The following PSG11 variants were observed in gnomAD, a reference collection of about 807,000 sequenced individuals.
PSG11 encodes the protein pregnancy-specific beta-1-glycoprotein 11.
Under a neutral mutation model 36.0 loss-of-function variants are expected in PSG11, and 42 were observed. That is an observed-to-expected ratio of 1.17 (90% CI 0.91 to 1.51). The LOEUF is 1.51. Ranked by LOEUF, PSG11 falls within the 40% of genes most tolerant of loss-of-function variation. The probability of loss-of-function intolerance (pLI) is 0.00; values close to 1 mark genes in which losing one functional copy is unlikely to be tolerated. For synonymous variants in PSG11, 206 were observed against 153.5 expected (o/e 1.34, Z -2.53); for missense variants, 558 against 403.5 (o/e 1.38, Z -3.28).
rs957805688 is a variant in PSG11 at position 43,019,175 on chromosome 19, G to A, written c.431-127C>T. Reference sequence around the variant, plus strand: ...GAGTCCCTAAAAGCCCATGGCAGGTGTGTGTGTTACAACACAGATGCATGG... The same window carrying A: ...GAGTCCCTAAAAGCCCATGGCAGGTATGTGTGTTACAACACAGATGCATGG... On this transcript the variant is annotated intron_variant, in intron 2 of 5. Coordinates refer to ENST00000320078, the MANE Select transcript of PSG11 (RefSeq NM_002785.3). The A allele has an allele frequency of 1.7e-5, 25 of 1,512,614 alleles. 2 individuals carry two copies. Among genetic ancestry groups the A allele is most frequent in the Non-Finnish European group, 2.2e-5 (25 of 1,130,052 alleles). 93.7% of individuals were successfully genotyped at this position (1,512,614 alleles called of 1,614,324 possible).
chr19:43,020,405 T>C (rs1406647055), intron 2 of PSG11, among the ~76,000 whole-genome samples: 1 of 151,324 alleles, frequency 6.6e-6, no homozygotes, highest in East Asian at 1.9e-4. Flanking sequence ...TGTGGATTTC[T>C]GGATTTGGGA....
At chr19:43,020,677 T>G (rs1021401286) in intron 2 of PSG11, among the ~76,000 whole-genome samples, 7 of 151,338 alleles carry the variant, frequency 4.6e-5, no homozygotes, top group African/African-American at 9.8e-5. Context: ...CAAAGGTGAT[T>G]TGAAATTAGC....
In PSG11 at chr19:43,010,100, C is replaced by T. The variant is rs1341494126; in HGVS notation, c.965-59G>A. ...GGTGATGTTATTTTACATGGGGGAG[C>T]GTCAGGAACAAGCATGTAACATGAG... On this transcript the variant is annotated intron_variant, in intron 4 of 5. Coordinates refer to ENST00000320078, the MANE Select transcript of PSG11 (RefSeq NM_002785.3). 135 of 1,566,134 alleles carry T rather than the reference C, an allele frequency of 8.6e-5. 4 individuals carry two copies. Among genetic ancestry groups the T allele is most frequent in the Non-Finnish European group, 1.1e-4 (123 of 1,141,282 alleles).
At chr19:43,018,725 A>C in intron 3 of PSG11, 45 bp downstream of exon 3, 2 of 1,611,864 alleles carry the variant, frequency 1.2e-6, no homozygotes, top group Non-Finnish European at 1.7e-6. Context: ...GGCCATGTGT[A>C]TTTGGGATGG....
intron 3 of PSG11, chr19:43,018,568 T>C (rs1967022889): frequency 7.9e-7 from 1 of 1,272,912 alleles, no homozygotes; most frequent in Non-Finnish European, 1.1e-6. Context: ...GAGCCTCCCA[T>C]GACAGGAGCA....
intron 2 of PSG11, chr19:43,019,806 G>A (rs1413757043): frequency 6.6e-6 from 1 of 151,744 alleles, no homozygotes; most frequent in Non-Finnish European, 1.5e-5. Flanking sequence ...TCCCCCAGTA[G>A]AGGGCAGGTG....
chr19:43,024,625 C>T lies in PSG11; in HGVS notation c.430+66G>A, dbSNP rs1443532359. The T allele has an allele frequency of 3.1e-6, 5 of 1,607,786 alleles. No individual in the cohort carries two copies. The South Asian group carries it at 5.5e-5, about 18-fold the overall frequency. On this transcript the variant is annotated intron_variant, in intron 2 of 5. Transcript: ENST00000320078. ...ACAGGCAATGTCCAGGCCTGACAAT[C>T]CTGTGTGTGTGATGTAGAAGTGACC... is the stretch of plus-strand genomic sequence containing the variant.
intron 4 of PSG11, among the ~76,000 whole-genome samples, chr19:43,011,521 T>G (rs1198400041): frequency 1.3e-5 from 2 of 150,806 alleles, no homozygotes; most frequent in Non-Finnish European, 3.0e-5. Context: ...CAAAATAAAA[T>G]CAACAAAATT....
At chr19:43,025,292 T>G (rs1176783162) in intron 1 of PSG11, 3 of 748,710 alleles carry the variant, frequency 4.0e-6, no homozygotes, top group Non-Finnish European at 6.0e-6. Context: ...CCCCATTCCT[T>G]CAACACTTCT....
rs1368560748 is a variant in PSG11 at position 43,015,972 on chromosome 19, G to A, written c.710-602C>T. ...CATAGTTCTCACTCTTAGGTTCACAGGTGAAGGTTAAGACATCCTTATTCT... is the reference window on the plus strand; with the variant it reads ...CATAGTTCTCACTCTTAGGTTCACAAGTGAAGGTTAAGACATCCTTATTCT... On this transcript the variant is annotated intron_variant, in intron 3 of 5. Transcript: ENST00000320078. 2.5e-6 allele frequency: 4 copies of A among 1,610,022 alleles called. No homozygotes were observed. In the East Asian group the frequency reaches 8.9e-5, roughly 36 times the overall value.
In PSG11 at chr19:43,010,076, G is replaced by A. The variant is rs376971557; in HGVS notation, c.965-35C>T. The stretch of plus-strand genomic sequence containing the variant: ...AAAGAAAAGAAAAGAAGGAATGAAG[G>A]TGATGTTATTTTACATGGGGGAGCG... On this transcript the variant is annotated intron_variant, in intron 4 of 5. Coordinates refer to ENST00000320078, the MANE Select transcript of PSG11 (RefSeq NM_002785.3). 69 of 1,597,000 alleles carry A rather than the reference G, an allele frequency of 4.3e-5. 1 individual carries two copies. The highest frequency in any genetic ancestry group is 1.8e-4 in the East Asian group (8 of 44,592).
chr19:43,018,442 A>G, intron 3 of PSG11: 1 of 482,802 alleles, frequency 2.1e-6, no homozygotes, highest in Non-Finnish European at 3.7e-6. Flanking sequence ...TGGAAGGGCC[A>G]CAGTGACCCT....
rs754591836 is a variant in PSG11 at position 43,018,881 on chromosome 19, T to G, written c.598A>C (p.Arg200=). ...THRMQLSETN[R]TLFLFGVTKY... ...GTGACACCAAATAGAAAGAGGGTCCTGTTGGTTTCAGACAGCTGCATCCTA... is the reference window on the plus strand; with the variant it reads ...GTGACACCAAATAGAAAGAGGGTCCGGTTGGTTTCAGACAGCTGCATCCTA... Residue 200 remains arginine (R), a synonymous_variant, in exon 3 of 6, where the codon AGG becomes CGG. Transcript: ENST00000320078. 1.7e-5 allele frequency: 27 copies of G among 1,612,116 alleles called. 1 individual carries two copies. The South Asian group carries it at 3.0e-4, about 18-fold the overall frequency.
chr19:43,018,471 C>G (rs1738058065), intron 3 of PSG11: 1 of 602,358 alleles, frequency 1.7e-6, no homozygotes, highest in Non-Finnish European at 2.7e-6. Flanking sequence ...AGTCGCAAGA[C>G]TGAAGTCCCA....
Position 43,014,973 on chromosome 19 carries a change from G to A in PSG11, c.964+143C>T, listed in dbSNP as rs10412276. ...AGAAGAGAGTCTGTAGAGACAAATT[G>A]GGAGGGTTCAGGAGGAGAATTTGGG... On this transcript the variant is annotated intron_variant, in intron 4 of 5. Coordinates refer to ENST00000320078, the MANE Select transcript of PSG11 (RefSeq NM_002785.3). 8,920 of 1,549,994 alleles carry A rather than the reference G, an allele frequency of 5.8e-3. 766 individuals are homozygous for A. In the African/African-American group the frequency reaches 0.11, roughly 19 times the overall value.
chr19:43,019,413 T>C (rs899660154), intron 2 of PSG11: 1 of 252,702 alleles, frequency 4.0e-6, no homozygotes, highest in Non-Finnish European at 7.5e-6. Flanking sequence ...TGGAATCTTC[T>C]TAGTTTCAGT....
chr19:43,025,415 A>T (rs1453784470), intron 1 of PSG11: 4 of 248,184 alleles, frequency 1.6e-5, no homozygotes, highest in Non-Finnish European at 3.1e-5. Context: ...CTTTCCTGAC[A>T]CCTCCTTCAG....
chr19:43,018,472 T>G, intron 3 of PSG11: 1 of 607,662 alleles, frequency 1.6e-6, no homozygotes. Context: ...GTCGCAAGAC[T>G]GAAGTCCCAG....
intron 4 of PSG11, among the ~76,000 whole-genome samples, chr19:43,010,988 A>G (rs1318057592): frequency 2.7e-5 from 4 of 150,236 alleles, no homozygotes; most frequent in South Asian, 2.1e-4. Flanking sequence ...CCTGTATCTC[A>G]TTTAATCCAC....
Sources: gnomAD v4.1 joint callset for allele counts (sites outside exome capture counted in the v4.1 genomes callset) on GRCh38, gnomAD v4.1.1 for gene constraint, MANE v1.5 for transcripts, NCBI Gene and HGNC (gene_info 2026-07-23, HGNC 2026-07-21) for gene names.